The following FRMD4B variants were observed in gnomAD, a reference collection of about 807,000 sequenced individuals.
The protein encoded by FRMD4B is FERM domain-containing protein 4B.
Under a neutral mutation model 141.5 loss-of-function variants are expected in FRMD4B, and 74 were observed. That is an observed-to-expected ratio of 0.52 (90% CI 0.43 to 0.63). The LOEUF (loss-of-function observed/expected upper bound fraction) is 0.63, where lower values mean the gene tolerates loss of function less well. Ranked by LOEUF, FRMD4B falls within the 30% of genes least tolerant of loss-of-function variation. The probability of loss-of-function intolerance (pLI) is 0.00; values close to 1 mark genes in which losing one functional copy is unlikely to be tolerated. For missense variants in FRMD4B, 1,366 were observed against 1,253.4 expected (o/e 1.09, Z -1.36); for synonymous variants, 506 against 467.9 (o/e 1.08, Z -1.05).
At chr3:69,511,108 G>A (rs76629952) in intron 1 of FRMD4B, among the ~76,000 whole-genome samples, 2,742 of 152,034 alleles carry the variant, frequency 0.018, 76 homozygotes, top group East Asian at 0.12. Flanking sequence ...TAGATATGTC[G>A]CCCTGATCAA....
chr3:69,283,784 AC>A (rs1233234275), intron 5 of FRMD4B, among the ~76,000 whole-genome samples: 2 of 152,156 alleles, frequency 1.3e-5, no homozygotes, highest in Non-Finnish European at 2.9e-5. Context: ...TCATCAGTCA[AC>A]CCTTAGAGTT....
At chr3:69,415,113 C>A (rs1225386704) in intron 2 of FRMD4B, among the ~76,000 whole-genome samples, 2 of 152,146 alleles carry the variant, frequency 1.3e-5, no homozygotes, top group African/African-American at 4.8e-5. Context: ...ATCTACCCGC[C>A]TTGGCCTCCC....
intron 1 of FRMD4B, among the ~76,000 whole-genome samples, chr3:69,342,148 T>A (rs1702762505): frequency 6.6e-6 from 1 of 152,204 alleles, no homozygotes; most frequent in Admixed American, 6.5e-5. Context: ...CAGGAAGGCT[T>A]TTTATAACTT....
chr3:69,402,531 C>T (rs1334158875), intron 2 of FRMD4B, among the ~76,000 whole-genome samples: 3 of 152,130 alleles, frequency 2.0e-5, no homozygotes, highest in Non-Finnish European at 4.4e-5. Context: ...TTACACTGGA[C>T]TGAAAGCTTT....
chr3:69,193,924 C>T lies in FRMD4B; in HGVS notation c.1489-51G>A, dbSNP rs956154912. On this transcript the variant is annotated intron_variant, in intron 16 of 22. Transcript: ENST00000398540. Reference sequence around the variant, plus strand: ...TTTTTATGGACACATACAATCAACTCTTACATGCATTGTGTAATAAAACTT... The same window carrying T: ...TTTTTATGGACACATACAATCAACTTTTACATGCATTGTGTAATAAAACTT... The T allele has an allele frequency of 7.2e-6, 8 of 1,113,012 alleles. No individual in the cohort carries two copies. The East Asian group carries it at 1.9e-4, about 26-fold the overall frequency. 68.9% of individuals were successfully genotyped at this position (1,113,012 alleles called of 1,614,324 possible). A position where few individuals can be genotyped will look rare whatever the true frequency, so the allele number is the denominator to read the frequency against.
chr3:69,235,442 C>T (rs867683884), intron 7 of FRMD4B, among the ~76,000 whole-genome samples: 43 of 151,700 alleles, frequency 2.8e-4, no homozygotes, highest in Middle Eastern at 6.8e-3. Context: ...GGTGGATCAC[C>T]TGAGGTCAAG....
intron 1 of FRMD4B, among the ~76,000 whole-genome samples, chr3:69,534,230 T>C (rs1575603383): frequency 6.6e-6 from 1 of 152,364 alleles, no homozygotes. Flanking sequence ...TTTTACCTAA[T>C]ACATATTTTT....
chr3:69,266,828 A>G (rs949971960), intron 5 of FRMD4B, among the ~76,000 whole-genome samples: 24 of 152,234 alleles, frequency 1.6e-4, no homozygotes, highest in African/African-American at 5.5e-4. Context: ...ATAGTCAAGT[A>G]GCCTCAAAGT....
At chr3:69,337,596 C>A (rs190981965) in intron 1 of FRMD4B, among the ~76,000 whole-genome samples, 5 of 151,948 alleles carry the variant, frequency 3.3e-5, no homozygotes, top group Admixed American at 2.0e-4. Flanking sequence ...CAATGAACTC[C>A]AACAAATTTA....
intron 5 of FRMD4B, among the ~76,000 whole-genome samples, chr3:69,251,930 A>G (rs1030787479): frequency 9.2e-5 from 14 of 152,260 alleles, no homozygotes; most frequent in African/African-American, 2.7e-4. Context: ...GGAGAACTCA[A>G]AAACATCACT....
chr3:69,375,850 G>C (rs1038387), intron 1 of FRMD4B, among the ~76,000 whole-genome samples: 141,986 of 152,208 alleles, frequency 0.93, 66,227 homozygotes, highest in East Asian at 0.97. Context: ...TAAAATCTAG[G>C]AACTCTCCTT....
chr3:69,202,730 CA>C (rs2092981121), intron 11 of FRMD4B, among the ~76,000 whole-genome samples: 1 of 152,050 alleles, frequency 6.6e-6, no homozygotes, highest in Non-Finnish European at 1.5e-5. Context: ...TTAGGTCTTC[CA>C]GATTTCTTTC....
chr3:69,226,406 G>C (rs1262630990), intron 7 of FRMD4B, among the ~76,000 whole-genome samples: 2 of 142,098 alleles, frequency 1.4e-5, no homozygotes, highest in Non-Finnish European at 3.0e-5. Flanking sequence ...CTTATGTTCT[G>C]TCTGGCATAC....
intron 1 of FRMD4B, among the ~76,000 whole-genome samples, chr3:69,526,414 A>G (rs1210370169): frequency 1.3e-5 from 2 of 152,122 alleles, no homozygotes; most frequent in African/African-American, 2.4e-5. Flanking sequence ...GGCTTCCTAA[A>G]TAAACTACTT....
chr3:69,244,101 T>TCACA (rs200564884), intron 7 of FRMD4B, among the ~76,000 whole-genome samples: 2 of 152,052 alleles, frequency 1.3e-5, no homozygotes, highest in African/African-American at 4.8e-5. Context: ...AACACATAAT[T>TCACA]CACACACACA....
At position 69,466,893 on chromosome 3, in the gene FRMD4B, G is replaced by A. The variant is rs117874788; in HGVS notation, c.-128-34132C>T. Among the ~76,000 whole-genome samples, 714 of 152,030 alleles carry A rather than the reference G, an allele frequency of 4.7e-3. 28 individuals carry two copies. The East Asian group carries it at 0.095, about 20-fold the overall frequency. ...TATTTTTATTTTTTTGTAGAGTCAG[G>A]GTCTCACCATGTTGCCCAGGCTGAT... is the stretch of plus-strand genomic sequence containing the variant. On this transcript the variant is annotated intron_variant, in intron 1 of 5. Transcript: ENST00000459638.
intron 18 of FRMD4B, among the ~76,000 whole-genome samples, 161 bp from the exon 19 acceptor site, chr3:69,188,078 T>C (rs1166164529): frequency 6.6e-6 from 1 of 152,338 alleles, no homozygotes; most frequent in South Asian, 2.1e-4. Flanking sequence ...AAGAAGTTAA[T>C]TTTTATATTT....
chr3:69,375,060 C>A (rs13091286), intron 1 of FRMD4B, among the ~76,000 whole-genome samples: 1 of 148,914 alleles, frequency 6.7e-6, no homozygotes, highest in Non-Finnish European at 1.5e-5. Context: ...ACCCATCCAC[C>A]CATCCAAGCA....
intron 1 of FRMD4B, among the ~76,000 whole-genome samples, chr3:69,510,300 T>C (rs1462842285): frequency 6.6e-6 from 1 of 152,118 alleles, no homozygotes; most frequent in African/African-American, 2.4e-5. Context: ...TCAGAAGCAG[T>C]AGCCAAATAA....
Sources: allele counts gnomAD v4.1 joint callset (sites outside exome capture counted in the v4.1 genomes callset), GRCh38; gene constraint gnomAD v4.1.1; transcripts MANE v1.5; gene names NCBI Gene and HGNC (gene_info 2026-07-23, HGNC 2026-07-21).